The following ACSS3 variants were observed in gnomAD, a reference collection of about 807,000 sequenced individuals.
The protein encoded by ACSS3 is acyl-CoA synthetase short chain family member 3, also known as acyl-CoA synthetase short-chain family member 3, mitochondrial.
A neutral mutation model predicts 84.2 loss-of-function variants in ACSS3; 64 were observed. The ratio of observed to expected loss-of-function variants is 0.76; its 90% CI spans 0.62 to 0.94. ACSS3 has a LOEUF of 0.94. Ranked by LOEUF, ACSS3 falls within the 40% of genes least tolerant of loss-of-function variation. The pLI is 0.00. For synonymous variants in ACSS3, 317 were observed against 310.1 expected (o/e 1.02, Z -0.23); for missense variants, 815 against 867.6 (o/e 0.94, Z 0.76).
chr12:81,149,171 G>A (rs1355820391), intron 5 of ACSS3, among the ~76,000 whole-genome samples: 2 of 152,064 alleles, frequency 1.3e-5, no homozygotes, highest in Non-Finnish European at 2.9e-5. Flanking sequence ...TTAGGGGTAA[G>A]CACTGGTATT....
At chr12:81,145,082 T>G (rs1886273565) in intron 5 of ACSS3, among the ~76,000 whole-genome samples, 1 of 145,358 alleles carries the variant, frequency 6.9e-6, no homozygotes, top group South Asian at 2.2e-4. Flanking sequence ...TTTTTTTTTT[T>G]TTTTTTTGTA....
At chr12:81,131,750 A>G (rs1015867786) in intron 2 of ACSS3, among the ~76,000 whole-genome samples, 44 of 152,068 alleles carry the variant, frequency 2.9e-4, no homozygotes, top group African/African-American at 1.1e-3. Flanking sequence ...TCGGTATGAT[A>G]TTGGCTGTGG....
intron 2 of ACSS3, among the ~76,000 whole-genome samples, chr12:81,118,894 G>A (rs529796434): frequency 1.6e-4 from 25 of 152,280 alleles, no homozygotes; most frequent in African/African-American, 5.8e-4. Context: ...CTGAATGGTA[G>A]TGTGATAATG....
chr12:81,154,294 G>A (rs964061616), intron 7 of ACSS3, among the ~76,000 whole-genome samples: 4 of 152,058 alleles, frequency 2.6e-5, no homozygotes, highest in Non-Finnish European at 4.4e-5. Context: ...CATATTTTGC[G>A]CTATTTACCA....
intron 2 of ACSS3, among the ~76,000 whole-genome samples, chr12:81,128,772 AT>A (rs1031537762): frequency 3.9e-5 from 6 of 152,204 alleles, no homozygotes; most frequent in African/African-American, 1.4e-4. Flanking sequence ...TTCCATAAAA[AT>A]AATACCTGTT....
intron 4 of ACSS3, among the ~76,000 whole-genome samples, chr12:81,141,877 G>C (rs1886109723): frequency 6.6e-6 from 1 of 152,200 alleles, no homozygotes; most frequent in African/African-American, 2.4e-5. Flanking sequence ...TGGGGCTGGA[G>C]AAAGCAGTTT....
At chr12:81,090,157 C>T (rs960424420) in intron 1 of ACSS3, among the ~76,000 whole-genome samples, 6 of 151,954 alleles carry the variant, frequency 3.9e-5, no homozygotes. Context: ...AAATGTAAGT[C>T]CTCACTGTTT....
intron 13 of ACSS3, among the ~76,000 whole-genome samples, chr12:81,237,032 T>C (rs1485325313): frequency 1.3e-5 from 2 of 151,566 alleles, no homozygotes; most frequent in Non-Finnish European, 3.0e-5. Context: ...TCCTGAAGGC[T>C]CTTCTTAAAA....
Position 81,197,076 on chromosome 12 carries a change from G to A in ACSS3, c.1251-2265G>A, listed in dbSNP as rs187153629. Reference sequence around the variant, plus strand: ...TTTTTTTTTAATTTTCTCAGAAAACGAACGTGGATTAGTAACAGCACATTG... The same window carrying A: ...TTTTTTTTTAATTTTCTCAGAAAACAAACGTGGATTAGTAACAGCACATTG... On this transcript the variant is annotated intron_variant, in intron 8 of 15. Transcript: ENST00000548058. 3.6e-3 allele frequency among the ~76,000 whole-genome samples: 542 copies of A among 151,812 alleles called. 2 individuals are homozygous for A. The highest frequency in any genetic ancestry group is 0.012 in the African/African-American group (504 of 41,392).
At chr12:81,155,138 C>G (rs182239181) in intron 7 of ACSS3, among the ~76,000 whole-genome samples, 1 of 152,280 alleles carries the variant, frequency 6.6e-6, no homozygotes, top group Non-Finnish European at 1.5e-5. Context: ...ATAGCACACA[C>G]TACACAATTA....
intron 13 of ACSS3, among the ~76,000 whole-genome samples, chr12:81,244,145 CT>C (rs1023384173): frequency 8.5e-5 from 13 of 152,136 alleles, no homozygotes; most frequent in African/African-American, 3.1e-4. Flanking sequence ...ATTAATGGTG[CT>C]TTTTTCCCTC....
intron 9 of ACSS3, among the ~76,000 whole-genome samples, chr12:81,213,932 C>CCTTCCTTCCTT (rs1189369982): frequency 1.3e-5 from 1 of 76,642 alleles, no homozygotes; most frequent in Non-Finnish European, 2.5e-5. Flanking sequence ...TTCCTTCCTT[C>CCTTCCTTCCTT]CTTTCTCTCT....
intron 11 of ACSS3, among the ~76,000 whole-genome samples, chr12:81,226,388 G>C (rs996804139): frequency 3.3e-5 from 5 of 150,556 alleles, no homozygotes; most frequent in Admixed American, 6.7e-5. Context: ...TATTTTTCCT[G>C]TTTTATACTC....
chr12:81,197,428 C>G (rs947165887), intron 8 of ACSS3, among the ~76,000 whole-genome samples: 50 of 151,990 alleles, frequency 3.3e-4, no homozygotes, highest in Non-Finnish European at 4.4e-5. Flanking sequence ...TGAGAATTTT[C>G]TTTGTTTTGT....
At chr12:81,085,431 T>C (rs918015523) in intron 1 of ACSS3, among the ~76,000 whole-genome samples, 2 of 152,202 alleles carry the variant, frequency 1.3e-5, no homozygotes, top group Admixed American at 6.5e-5. Context: ...AACTATACAG[T>C]AGAGTCACAT....
chr12:81,123,902 A>C (rs1884856903), intron 2 of ACSS3, among the ~76,000 whole-genome samples: 1 of 152,182 alleles, frequency 6.6e-6, no homozygotes, highest in Non-Finnish European at 1.5e-5. Context: ...TGTCTGTGCT[A>C]TTGTGAATAG....
At chr12:81,142,669 G>T (rs1593121339) in intron 4 of ACSS3, among the ~76,000 whole-genome samples, 1 of 152,040 alleles carries the variant, frequency 6.6e-6, no homozygotes, top group Non-Finnish European at 1.5e-5. Context: ...TGTATGAAGA[G>T]AAATTTTAAT....
chr12:81,115,848 G>A (rs1490321550), intron 2 of ACSS3, among the ~76,000 whole-genome samples: 1 of 152,046 alleles, frequency 6.6e-6, no homozygotes, highest in Non-Finnish European at 1.5e-5. Flanking sequence ...AATAATTAAT[G>A]TTAAGGTCTA....
chr12:81,166,957 G>A (rs1887432099), intron 7 of ACSS3, among the ~76,000 whole-genome samples: 1 of 152,176 alleles, frequency 6.6e-6, no homozygotes, highest in South Asian at 2.1e-4. Context: ...ACCTTAATTT[G>A]TCCCTCCAGT....
Sources: gnomAD v4.1 joint callset for allele counts (sites outside exome capture counted in the v4.1 genomes callset) on GRCh38, gnomAD v4.1.1 for gene constraint, MANE v1.5 for transcripts, NCBI Gene and HGNC (gene_info 2026-07-23, HGNC 2026-07-21) for gene names.